SMARCC1: variants seen among roughly 807,000 people sequenced by gnomAD.
SMARCC1 encodes the protein SWI/SNF related BAF chromatin remodeling complex subunit C1.
Under a neutral mutation model 147.4 loss-of-function variants are expected in SMARCC1, and 43 were observed. The ratio of observed to expected loss-of-function variants is 0.29; its 90% CI spans 0.23 to 0.38. SMARCC1 has a LOEUF of 0.38. SMARCC1 is among the 10% of genes least tolerant of loss of function. SMARCC1 has a pLI of 1.00. For synonymous variants in SMARCC1, 495 were observed against 484.4 expected, an observed-to-expected ratio of 1.02 and a Z score of -0.29; for missense variants, 1,119 against 1,381.1, an observed-to-expected ratio of 0.81 and a Z score of 3.01.
At chr3:47,740,809 A>G (rs1431739809) in intron 3 of SMARCC1, among the ~76,000 whole-genome samples, 1 of 151,138 alleles carries the variant, frequency 6.6e-6, no homozygotes, top group Admixed American at 6.6e-5. Context: ...AGCAAACTAT[A>G]AACTGCACTC....
intron 2 of SMARCC1, among the ~76,000 whole-genome samples, chr3:47,772,529 G>A (rs1374841218): frequency 6.6e-6 from 1 of 152,146 alleles, no homozygotes; most frequent in Non-Finnish European, 1.5e-5. Context: ...TCAGGAGAAA[G>A]CATGGAGAAG....
chr3:47,775,301 C>G (rs2034961622), intron 1 of SMARCC1, among the ~76,000 whole-genome samples: 1 of 150,878 alleles, frequency 6.6e-6, no homozygotes, highest in African/African-American at 2.4e-5. Flanking sequence ...GCTGGGACTA[C>G]AGGCGCCCAC....
rs182515753 is a variant in SMARCC1 at position 47,650,043 on chromosome 3, G to A, written c.2320+11251C>T. Reference sequence around the variant, plus strand: ...TGTAATCCCAGCACTTTGGGAGGCCGAGGCAGGCGGATCACGAGGTCAGGA... The same window carrying A: ...TGTAATCCCAGCACTTTGGGAGGCCAAGGCAGGCGGATCACGAGGTCAGGA... On this transcript the variant is annotated intron_variant, in intron 21 of 27. Coordinates refer to ENST00000254480, the MANE Select transcript of SMARCC1 (RefSeq NM_003074.4). Among the ~76,000 whole-genome samples the A allele has an allele frequency of 4.0e-3, 613 of 151,794 alleles. 4 individuals carry two copies. The highest frequency in any genetic ancestry group is 0.013 in the African/African-American group (542 of 41,424).
rs2032058077 is a variant in SMARCC1 at position 47,585,530 on chromosome 3, G to T, written c.*2679C>A. 1.3e-5 allele frequency: 2 copies of T among 152,192 alleles called. No homozygotes were observed. The highest frequency in any genetic ancestry group is 2.9e-5 in the Non-Finnish European group (2 of 68,036). 9.4% of individuals were successfully genotyped at this position (152,192 alleles called of 1,614,324 possible). A position where few individuals can be genotyped will look rare whatever the true frequency, so the allele number is the denominator to read the frequency against. On this transcript the variant is annotated 3_prime_UTR_variant, in exon 28 of 28. Coordinates refer to ENST00000254480, the MANE Select transcript of SMARCC1 (RefSeq NM_003074.4). ...GAGTACCCAAAAGCTGTCCCCCAAGGTTCACAGAATCTTCTGCCCTCAAGG... is the reference window on the plus strand; with the variant it reads ...GAGTACCCAAAAGCTGTCCCCCAAGTTTCACAGAATCTTCTGCCCTCAAGG...
intron 10 of SMARCC1, among the ~76,000 whole-genome samples, chr3:47,703,871 A>G (rs1377455999): frequency 2.0e-5 from 3 of 152,136 alleles, no homozygotes; most frequent in Admixed American, 1.3e-4. Context: ...ATCTCAGCTC[A>G]CTGCAAGCTC....
intron 2 of SMARCC1, among the ~76,000 whole-genome samples, chr3:47,749,006 T>TA (rs886133120): frequency 8.0e-5 from 12 of 150,878 alleles, no homozygotes; most frequent in Admixed American, 4.0e-4. Flanking sequence ...CTCATCTGTT[T>TA]AAAAAAAAAT....
chr3:47,620,910 AG>A (rs1483041810), intron 25 of SMARCC1, among the ~76,000 whole-genome samples: 1 of 152,256 alleles, frequency 6.6e-6, no homozygotes, highest in Non-Finnish European at 1.5e-5. Flanking sequence ...ACATTAGTTC[AG>A]CCCCTGTGAA....
intron 26 of SMARCC1, chr3:47,604,699 C>CTT (rs58702136): frequency 1.0e-4 from 12 of 116,100 alleles, no homozygotes; most frequent in East Asian, 2.6e-4. Flanking sequence ...TACTGTTGTT[C>CTT]TTTTTTTTTT....
chr3:47,721,403 T>C (rs771892823), intron 6 of SMARCC1, among the ~76,000 whole-genome samples: 8 of 152,208 alleles, frequency 5.3e-5, no homozygotes, highest in Non-Finnish European at 1.0e-4. Context: ...AAGTGATTCT[T>C]AGTATTCTAA....
At chr3:47,705,979 G>A (rs1022954820) in intron 10 of SMARCC1, among the ~76,000 whole-genome samples, 8 of 152,172 alleles carry the variant, frequency 5.3e-5, no homozygotes, top group African/African-American at 1.9e-4. Flanking sequence ...TGAACCAGGC[G>A]TTGTACTGCC....
chr3:47,777,088 ATTT>A (rs1306337582), intron 1 of SMARCC1, among the ~76,000 whole-genome samples: 1 of 131,594 alleles, frequency 7.6e-6, no homozygotes, highest in African/African-American at 2.8e-5. Flanking sequence ...GTAAATATTT[ATTT>A]TTTTTTTTTT....
intron 26 of SMARCC1, among the ~76,000 whole-genome samples, chr3:47,609,786 T>C (rs1490919167): frequency 1.3e-5 from 2 of 152,168 alleles, no homozygotes; most frequent in African/African-American, 2.4e-5. Context: ...TTTTTTACGG[T>C]ATCAATAATC....
At chr3:47,730,750 C>A (rs1032862638) in intron 5 of SMARCC1, among the ~76,000 whole-genome samples, 1 of 151,852 alleles carries the variant, frequency 6.6e-6, no homozygotes, top group African/African-American at 2.4e-5. Context: ...CCTATAATCC[C>A]AGCTACTCAG....
At chr3:47,592,822 GT>G (rs139189268) in intron 26 of SMARCC1, among the ~76,000 whole-genome samples, 40 of 136,548 alleles carry the variant, frequency 2.9e-4, no homozygotes, top group African/African-American at 2.7e-4. Context: ...TGGTAGTCTT[GT>G]TTTTTTTTTT....
At chr3:47,760,030 G>C (rs980931873) in intron 2 of SMARCC1, among the ~76,000 whole-genome samples, 4 of 152,030 alleles carry the variant, frequency 2.6e-5, no homozygotes, top group Admixed American at 2.6e-4. Context: ...AGAAAAATTT[G>C]AGGCCAGGTA....
intron 11 of SMARCC1, among the ~76,000 whole-genome samples, chr3:47,698,364 T>C (rs1183361131): frequency 6.6e-6 from 1 of 152,068 alleles, no homozygotes; most frequent in African/African-American, 2.4e-5. Context: ...AAAATATAAA[T>C]GTGTTCTTTC....
At chr3:47,682,222 A>C (rs1014516996) in intron 14 of SMARCC1, among the ~76,000 whole-genome samples, 4 of 151,350 alleles carry the variant, frequency 2.6e-5, no homozygotes, top group African/African-American at 9.7e-5. Flanking sequence ...GTGAACCCGG[A>C]AGGCGGAGCT....
intron 9 of SMARCC1, 64 bp downstream of exon 9, chr3:47,710,619 G>T: frequency 6.5e-7 from 1 of 1,538,144 alleles, no homozygotes; most frequent in Non-Finnish European, 8.9e-7. Flanking sequence ...TACTGATGAA[G>T]ATTTAATAAC....
intron 14 of SMARCC1, among the ~76,000 whole-genome samples, chr3:47,683,119 T>C (rs930018439): frequency 6.6e-6 from 1 of 152,248 alleles, no homozygotes; most frequent in African/African-American, 2.4e-5. Context: ...CTCAGCTTAC[T>C]GCAAGTTCCA....
Sources: gnomAD v4.1 joint callset for allele counts (sites outside exome capture counted in the v4.1 genomes callset) on GRCh38, gnomAD v4.1.1 for gene constraint, MANE v1.5 for transcripts, NCBI Gene and HGNC (gene_info 2026-07-23, HGNC 2026-07-21) for gene names.